Variants in NPAS3 observed in about 807,000 individuals in gnomAD.
NPAS3 encodes neuronal PAS domain-containing protein 3.
Under a neutral mutation model 73.1 loss-of-function variants are expected in NPAS3, and 14 were observed. That is an observed-to-expected ratio of 0.19 (90% CI 0.13 to 0.30). The LOEUF is 0.30. NPAS3 is among the 10% of genes least tolerant of loss of function. The pLI is 1.00. For synonymous variants in NPAS3, 620 were observed against 541.5 expected (o/e 1.14, Z -2.01); for missense variants, 1,096 against 1,250.0 (o/e 0.88, Z 1.86).
At chr14:32,973,123 A>G (rs569440323) in intron 1 of NPAS3, among the ~76,000 whole-genome samples, 2 of 152,262 alleles carry the variant, frequency 1.3e-5, no homozygotes, top group South Asian at 4.1e-4. Flanking sequence ...GGGAATGGTG[A>G]TTAAGATTTG....
At chr14:33,263,417 A>G (rs2049048142) in intron 3 of NPAS3, among the ~76,000 whole-genome samples, 1 of 152,178 alleles carries the variant, frequency 6.6e-6, no homozygotes, top group African/African-American at 2.4e-5. Flanking sequence ...TTTGTCAAAG[A>G]TCAGATAGTT....
At chr14:33,385,953 T>A (rs1405295838) in intron 4 of NPAS3, among the ~76,000 whole-genome samples, 1 of 152,186 alleles carries the variant, frequency 6.6e-6, no homozygotes, top group Admixed American at 6.5e-5. Context: ...AGTGAAAGGT[T>A]TTGAGTATAC....
chr14:33,767,599 C>CTTTTTTTT (rs10711937), intron 7 of NPAS3, among the ~76,000 whole-genome samples: 1 of 138,656 alleles, frequency 7.2e-6, no homozygotes, highest in African/African-American at 2.7e-5. Flanking sequence ...GGACTCTTGT[C>CTTTTTTTT]TTTTTTTTTT....
chr14:33,120,330 A>G (rs1039679592), intron 2 of NPAS3, among the ~76,000 whole-genome samples: 2 of 152,096 alleles, frequency 1.3e-5, no homozygotes, highest in Non-Finnish European at 2.9e-5. Context: ...ACCGGAACCA[A>G]CTAGAGATTT....
At chr14:33,152,111 A>G (rs961363245) in intron 2 of NPAS3, among the ~76,000 whole-genome samples, 1 of 151,962 alleles carries the variant, frequency 6.6e-6, no homozygotes, top group Non-Finnish European at 1.5e-5. Flanking sequence ...TTCTCCTTGT[A>G]TCTAGTGGGT....
chr14:32,986,365 A>G (rs2038099077), intron 1 of NPAS3, among the ~76,000 whole-genome samples: 1 of 152,154 alleles, frequency 6.6e-6, no homozygotes, highest in Non-Finnish European at 1.5e-5. Context: ...TGGATAGTCT[A>G]CTGGGTGCCT....
chr14:33,718,794 G>T (rs1038825873), intron 6 of NPAS3, among the ~76,000 whole-genome samples: 2 of 152,114 alleles, frequency 1.3e-5, no homozygotes, highest in Admixed American at 6.6e-5. Flanking sequence ...GTAGGGAAAA[G>T]GGAATGGTTG....
At chr14:33,056,571 TG>T (rs1249995367) in intron 2 of NPAS3, among the ~76,000 whole-genome samples, 12 of 152,234 alleles carry the variant, frequency 7.9e-5, no homozygotes, top group Admixed American at 7.9e-4. Context: ...CCATTTGCTT[TG>T]TCCATTACTT....
At chr14:33,307,613 T>A (rs8005460) in intron 3 of NPAS3, among the ~76,000 whole-genome samples, 3 of 44,134 alleles carry the variant, frequency 6.8e-5, no homozygotes, top group Non-Finnish European at 1.5e-4. Flanking sequence ...GTGTGTGTGT[T>A]CGTGTGCGTG....
At chr14:33,139,288 G>T (rs1371918522) in intron 2 of NPAS3, among the ~76,000 whole-genome samples, 2 of 152,160 alleles carry the variant, frequency 1.3e-5, no homozygotes, top group Non-Finnish European at 2.9e-5. Context: ...TAGCATCTAT[G>T]TGCACATTGG....
intron 4 of NPAS3, among the ~76,000 whole-genome samples, chr14:33,517,119 T>C (rs976817105): frequency 1.3e-5 from 2 of 152,104 alleles, no homozygotes; most frequent in Admixed American, 1.3e-4. Context: ...CTATATTCAC[T>C]GAAAACCCCC....
chr14:33,678,539 C>T lies in NPAS3; in HGVS notation c.733+2154C>T, dbSNP rs563400886. Among the ~76,000 whole-genome samples, 3 of 152,214 alleles carry T rather than the reference C, an allele frequency of 2.0e-5. No homozygotes were observed. In the South Asian group the frequency reaches 6.2e-4, roughly 32 times the overall value. On this transcript the variant is annotated intron_variant, in intron 6 of 11. Transcript: ENST00000356141. ...GGCTGTGCTTCAGTTTGCAGAGAAC[C>T]CTCTAAAAATACAGTGAAGAGAATA... is the stretch of plus-strand genomic sequence containing the variant.
chr14:33,505,520 A>G (rs2052715154), intron 4 of NPAS3, among the ~76,000 whole-genome samples: 1 of 152,030 alleles, frequency 6.6e-6, no homozygotes, highest in African/African-American at 2.4e-5. Context: ...TAATTTCCAT[A>G]TCCCTCAGGA....
intron 5 of NPAS3, among the ~76,000 whole-genome samples, chr14:33,579,831 C>G (rs868293741): frequency 6.6e-6 from 1 of 151,788 alleles, no homozygotes; most frequent in Middle Eastern, 3.2e-3. Context: ...TGTATCTACA[C>G]GAAGCCAAAC....
chr14:33,233,199 C>T (rs2047914715), intron 3 of NPAS3, among the ~76,000 whole-genome samples: 1 of 152,126 alleles, frequency 6.6e-6, no homozygotes, highest in African/African-American at 2.4e-5. Context: ...GTAAAGACCA[C>T]AAATGCTAAA....
At chr14:33,235,777 AAAGACT>A (rs1401267968) in intron 3 of NPAS3, among the ~76,000 whole-genome samples, 3 of 151,542 alleles carry the variant, frequency 2.0e-5, no homozygotes, top group Non-Finnish European at 4.4e-5. Flanking sequence ...CTTGCGTACA[AAAGACT>A]AAAAGTTCTG....
At chr14:33,770,675 A>G (rs943463878) in intron 7 of NPAS3, among the ~76,000 whole-genome samples, 5 of 152,138 alleles carry the variant, frequency 3.3e-5, no homozygotes, top group Non-Finnish European at 7.4e-5. Context: ...CGAGGTGGGC[A>G]TATCAATTGA....
intron 5 of NPAS3, among the ~76,000 whole-genome samples, chr14:33,614,529 C>T (rs375206206): frequency 1.2e-4 from 18 of 152,286 alleles, no homozygotes; most frequent in African/African-American, 4.3e-4. Context: ...TCCCTGTGGG[C>T]CTTGCAGCCA....
intron 2 of NPAS3, among the ~76,000 whole-genome samples, chr14:33,199,365 C>G (rs1159590908): frequency 1.3e-5 from 2 of 152,178 alleles, no homozygotes; most frequent in East Asian, 3.9e-4. Flanking sequence ...ATGTGAAGGT[C>G]TAGGATTCTC....
Sources: allele counts gnomAD v4.1 joint callset (sites outside exome capture counted in the v4.1 genomes callset), GRCh38; gene constraint gnomAD v4.1.1; transcripts MANE v1.5; gene names NCBI Gene and HGNC (gene_info 2026-07-23, HGNC 2026-07-21).